Variants in SLC9A8 observed in about 807,000 individuals in gnomAD.
The protein encoded by SLC9A8 is solute carrier family 9 member A8.
In SLC9A8, 48 loss-of-function variants were observed where a neutral mutation model predicts 66.6. The ratio of observed to expected loss-of-function variants is 0.72; its 90% CI spans 0.57 to 0.92. The LOEUF is 0.92. SLC9A8 is among the 40% of genes least tolerant of loss of function. The pLI, the probability that SLC9A8 is intolerant of heterozygous loss-of-function variation, is 0.00. For synonymous variants in SLC9A8, 274 were observed against 282.6 expected (o/e 0.97, Z 0.31); for missense variants, 599 against 747.3 (o/e 0.80, Z 2.31).
chr20:49,862,598 G>A (rs2146671697), intron 8 of SLC9A8, among the ~76,000 whole-genome samples: 2 of 152,152 alleles, frequency 1.3e-5, no homozygotes, highest in South Asian at 4.2e-4. Flanking sequence ...CTTGAGCCCG[G>A]CCAGTCTGAG....
chr20:49,887,608 A>G (rs1316992208), intron 15 of SLC9A8, among the ~76,000 whole-genome samples: 2 of 152,136 alleles, frequency 1.3e-5, no homozygotes, highest in African/African-American at 2.4e-5. Context: ...GCCTCAAGCC[A>G]TGCTCCCTCC....
chr20:49,876,906 T>A (rs1304321877), intron 11 of SLC9A8, among the ~76,000 whole-genome samples: 2 of 152,186 alleles, frequency 1.3e-5, no homozygotes, highest in African/African-American at 4.8e-5. Context: ...CTCCAGCTTG[T>A]GGACTTGTTT....
chr20:49,823,027 T>C, intron 2 of SLC9A8, 34 bp from the exon 3 acceptor site: 1 of 1,565,396 alleles, frequency 6.4e-7, no homozygotes, highest in Non-Finnish European at 8.8e-7. Context: ...TTGAGTGTTT[T>C]TTTTAAAACA....
intron 3 of SLC9A8, among the ~76,000 whole-genome samples, chr20:49,825,483 AAT>A (rs1223676518): frequency 6.6e-5 from 10 of 152,152 alleles, no homozygotes; most frequent in Admixed American, 5.2e-4. Context: ...CTCTACTAAA[AAT>A]AGAAAAATTA....
chr20:49,868,675 C>T (rs984909389), intron 10 of SLC9A8, among the ~76,000 whole-genome samples: 1 of 152,210 alleles, frequency 6.6e-6, no homozygotes, highest in African/African-American at 2.4e-5. Flanking sequence ...AGCTCCACCT[C>T]TTATTGGCTG....
At chr20:49,834,347 ACTG>A (rs2087384980) in intron 3 of SLC9A8, among the ~76,000 whole-genome samples, 2 of 73,136 alleles carry the variant, frequency 2.7e-5, no homozygotes, top group African/African-American at 1.5e-4. Context: ...ATATATATAT[ACTG>A]TATATATATA....
chr20:49,856,425 T>C (rs1174369247), intron 8 of SLC9A8, among the ~76,000 whole-genome samples: 1 of 152,230 alleles, frequency 6.6e-6, no homozygotes, highest in Non-Finnish European at 1.5e-5. Flanking sequence ...TGCTATTGTG[T>C]AAACTCTACT....
At chr20:49,875,809 A>T (rs1600794883) in intron 11 of SLC9A8, among the ~76,000 whole-genome samples, 1 of 151,310 alleles carries the variant, frequency 6.6e-6, no homozygotes, top group Admixed American at 6.6e-5. Context: ...ATCTCAGCTC[A>T]CTGCAAGCTC....
intron 3 of SLC9A8, among the ~76,000 whole-genome samples, chr20:49,834,865 A>G (rs2087467034): frequency 6.6e-6 from 1 of 152,186 alleles, no homozygotes; most frequent in Non-Finnish European, 1.5e-5. Context: ...AGTAAAGCAG[A>G]AAAACACTAA....
At chr20:49,840,172 T>C (rs901937929) in intron 4 of SLC9A8, among the ~76,000 whole-genome samples, 11 of 152,288 alleles carry the variant, frequency 7.2e-5, no homozygotes, top group Non-Finnish European at 1.3e-4. Flanking sequence ...CCAAACCCTC[T>C]GGCCTGAATA....
At chr20:49,873,105 A>T (rs1437970717) in intron 10 of SLC9A8, among the ~76,000 whole-genome samples, 2 of 152,244 alleles carry the variant, frequency 1.3e-5, no homozygotes, top group Non-Finnish European at 2.9e-5. Context: ...TGAAGAAAAG[A>T]TGCATTACCT....
At chr20:49,852,907 G>A (rs1423610387) in intron 7 of SLC9A8, among the ~76,000 whole-genome samples, 1 of 151,934 alleles carries the variant, frequency 6.6e-6, no homozygotes, top group Non-Finnish European at 1.5e-5. Context: ...ATGCGCACCC[G>A]TGACAGCCTC....
At position 49,889,280 on chromosome 20, in the gene SLC9A8, CATT is replaced by C. The variant is rs1170295419; in HGVS notation, c.*1346_*1348del. On this transcript the variant is annotated 3_prime_UTR_variant, in exon 16 of 16. Transcript: ENST00000361573. ...GGCACCCTGGGGTGGTTTAATTCAT[CATT>C]AAGAAGCATTCCTGCTTCTCAAGGG... The C allele has an allele frequency of 6.6e-6, 1 of 152,278 alleles. No individual in the cohort carries two copies. Among genetic ancestry groups the C allele is most frequent in the East Asian group, 1.9e-4 (1 of 5,196 alleles). 9.4% of individuals were successfully genotyped at this position (152,278 alleles called of 1,614,324 possible). A position where few individuals can be genotyped will look rare whatever the true frequency, so the allele number is the denominator to read the frequency against.
chr20:49,819,806 T>C (rs2086671978), intron 2 of SLC9A8, among the ~76,000 whole-genome samples: 1 of 152,224 alleles, frequency 6.6e-6, no homozygotes, highest in South Asian at 2.1e-4. Context: ...ATACGTGGCC[T>C]TTTGTGTCTG....
chr20:49,856,916 T>G (rs2088515287), intron 8 of SLC9A8, among the ~76,000 whole-genome samples: 1 of 151,976 alleles, frequency 6.6e-6, no homozygotes, highest in South Asian at 2.1e-4. Context: ...GCCATTGCAC[T>G]CCAACCTGGG....
At chr20:49,852,243 G>A (rs770502079) in intron 7 of SLC9A8, among the ~76,000 whole-genome samples, 11 of 152,162 alleles carry the variant, frequency 7.2e-5, no homozygotes, top group Non-Finnish European at 1.5e-4. Flanking sequence ...ACTTCTCAGC[G>A]CCAACTCATG....
At chr20:49,836,463 G>A (rs2087539617) in intron 3 of SLC9A8, among the ~76,000 whole-genome samples, 1 of 152,064 alleles carries the variant, frequency 6.6e-6, no homozygotes, top group Non-Finnish European at 1.5e-5. Context: ...CCAAGTAGCT[G>A]GGACTGCAGG....
chr20:49,839,454 G>C lies in SLC9A8; in HGVS notation c.290-87G>C, dbSNP rs1318364369. 1.2e-5 allele frequency: 10 copies of C among 857,222 alleles called. No individual in the cohort carries two copies. The Admixed American group carries it at 2.1e-4, about 18-fold the overall frequency. The allele number at this position is 857,222 out of a possible 1,614,324, so 53.1% of individuals were successfully genotyped here. ...AACCACCTTGGGCACATGTCGTCAG[G>C]ACCTCCTGAGGCTGTGTCATGTCTT... On this transcript the variant is annotated intron_variant, in intron 3 of 15. Transcript: ENST00000361573.
chr20:49,821,689 C>A (rs1421180561), intron 2 of SLC9A8, among the ~76,000 whole-genome samples: 1 of 151,646 alleles, frequency 6.6e-6, no homozygotes, highest in Non-Finnish European at 1.5e-5. Context: ...ATCTAGGTGC[C>A]CAGTAAAAGA....
Sources: gnomAD v4.1 joint callset for allele counts (sites outside exome capture counted in the v4.1 genomes callset) on GRCh38, gnomAD v4.1.1 for gene constraint, MANE v1.5 for transcripts, NCBI Gene and HGNC (gene_info 2026-07-23, HGNC 2026-07-21) for gene names.